The following CHRNA4 variants were observed in gnomAD, a reference collection of about 807,000 sequenced individuals.
CHRNA4 encodes the protein neuronal acetylcholine receptor subunit alpha-4.
CHRNA4 carries 28 observed loss-of-function variants against 48.9 expected under a neutral mutation model. The ratio of observed to expected loss-of-function variants is 0.57; its 90% confidence interval spans 0.42 to 0.79. The LOEUF is 0.79. Ranked by LOEUF, CHRNA4 falls within the 30% of genes least tolerant of loss-of-function variation. CHRNA4 has a pLI of 0.00. For synonymous variants in CHRNA4, 425 were observed against 402.3 expected (o/e 1.06, Z -0.68); for missense variants, 859 against 898.4 (o/e 0.96, Z 0.56).
chr20:63,355,604 G>A (rs2068704593), intron 4 of CHRNA4: 1 of 1,311,488 alleles, frequency 7.6e-7, no homozygotes, highest in South Asian at 1.2e-5. Flanking sequence ...AGCTGTCAAG[G>A]GTGGGGGCAA....
intron 4 of CHRNA4, among the ~76,000 whole-genome samples, chr20:63,353,349 A>C (rs1477413938): frequency 2.6e-5 from 4 of 151,964 alleles, no homozygotes; most frequent in African/African-American, 9.7e-5. Flanking sequence ...CCCAAAGAGA[A>C]AACTGGGGTC....
intron 3 of CHRNA4, 70 bp from the exon 4 acceptor site, chr20:63,356,154 C>T (rs1352677662): frequency 4.1e-6 from 2 of 488,952 alleles, no homozygotes; most frequent in Admixed American, 4.4e-5. Context: ...GGGACAGGGC[C>T]AGGGTGGGGC....
intron 5 of CHRNA4, among the ~76,000 whole-genome samples, chr20:63,347,821 C>T (rs2068520360): frequency 6.6e-6 from 1 of 152,194 alleles, no homozygotes; most frequent in Non-Finnish European, 1.5e-5. Context: ...GGGGCCTGGG[C>T]ACACTGTGGG....
intron 5 of CHRNA4, among the ~76,000 whole-genome samples, chr20:63,347,380 T>C (rs2068513013): frequency 1.3e-5 from 2 of 152,176 alleles, no homozygotes; most frequent in Admixed American, 6.5e-5. Context: ...ATCTGCAGTC[T>C]CTCACTCGAG....
In CHRNA4 at chr20:63,343,404, C is replaced by T. The variant is rs199628802; in HGVS notation, c.*3334G>A. 2 of 454,106 alleles carry T rather than the reference C, an allele frequency of 4.4e-6. No individual in the cohort carries two copies. Among genetic ancestry groups the T allele is most frequent in the African/African-American group, 2.0e-5 (1 of 50,110 alleles). The allele number at this position is 454,106 out of a possible 1,614,324, so 28.1% of individuals were successfully genotyped here. On this transcript the variant is annotated 3_prime_UTR_variant, in exon 6 of 6. Transcript: ENST00000370263. ...ATCCCCAGGTGCTGTGTGTGCTGCG[C>T]CTGATCCAGCATTTCTGGTGCAAGG...
At position 63,350,080 on chromosome 20, in the gene CHRNA4, G is replaced by T; in HGVS notation, c.1331C>A (p.Pro444His). 6.6e-7 allele frequency: 1 copy of T among 1,523,154 alleles called. No homozygotes were observed. Among genetic ancestry groups the T allele is most frequent in the Non-Finnish European group, 8.8e-7 (1 of 1,133,436 alleles). The allele number at this position is 1,523,154 out of a possible 1,614,324, so 94.4% of individuals were successfully genotyped here. Residue 444 changes from proline to histidine, a missense_variant, in exon 5 of 6, where the codon CCC (proline) becomes CAC (histidine). Coordinates refer to ENST00000370263, the MANE Select transcript of CHRNA4 (RefSeq NM_000744.7). ...PLEAEKASPHPSPGPCRPPHG... is the reference protein window; with the variant it reads ...PLEAEKASPHHSPGPCRPPHG... ...GGGCGGGCGGCAGGGTCCAGGCGAG[G>T]GGTGGGGGCTGGCTTTCTCAGCTTC...
At position 63,360,596 on chromosome 20, in the gene CHRNA4, G is replaced by C. The variant is rs543112605; in HGVS notation, c.76+494C>G. 4.6e-5 allele frequency among the ~76,000 whole-genome samples: 7 copies of C among 152,194 alleles called. No homozygotes were observed. In the South Asian group the frequency reaches 1.5e-3, roughly 32 times the overall value. ...AGGACTCGGGGAGGGGGAGGGGTCA[G>C]TTCTACACCCCTGGGAGCCTTGACT... On this transcript the variant is annotated intron_variant, in intron 1 of 5. Coordinates refer to ENST00000370263, the MANE Select transcript of CHRNA4 (RefSeq NM_000744.7).
At chr20:63,358,545 CAG>C (rs1452711668) in intron 2 of CHRNA4, among the ~76,000 whole-genome samples, 1 of 152,234 alleles carries the variant, frequency 6.6e-6, no homozygotes, top group Non-Finnish European at 1.5e-5. Flanking sequence ...CTCCCTGGAC[CAG>C]CGAGCTGGGA....
chr20:63,347,068 C>A (rs1476834675), intron 5 of CHRNA4: 17 of 702,514 alleles, frequency 2.4e-5, no homozygotes, highest in Non-Finnish European at 2.7e-5. Flanking sequence ...CGGGGGGCAT[C>A]ATCACCATGG....
intron 2 of CHRNA4, among the ~76,000 whole-genome samples, chr20:63,359,151 G>A (rs1015189385): frequency 7.9e-5 from 12 of 152,346 alleles, no homozygotes; most frequent in Middle Eastern, 3.4e-3. Context: ...GGGTGCTGCC[G>A]GGACACCACA....
chr20:63,359,256 G>T, intron 2 of CHRNA4: 1 of 465,146 alleles, frequency 2.1e-6, no homozygotes. Flanking sequence ...GGCCTTTGCT[G>T]TTCTTTGCTT....
At position 63,350,260 on chromosome 20, in the gene CHRNA4, A is replaced by C; in HGVS notation, c.1151T>G (p.Phe384Cys). 6.2e-7 allele frequency: 1 copy of C among 1,611,092 alleles called. No homozygotes were observed. Among genetic ancestry groups the C allele is most frequent in the Non-Finnish European group, 8.5e-7 (1 of 1,179,308 alleles). Residue 384 changes from phenylalanine to cysteine, a missense_variant, in exon 5 of 6, where the codon TTC (phenylalanine) becomes TGC (cysteine). Transcript: ENST00000370263. ...GGGCTCCCCTTCTGGCTCGGGCCAG[A>C]AGCGCGGGGCACTGGCCATCTTATG... The part of the protein sequence containing the change: ...SMHKMASAPR[F>C]WPEPEGEPPA...
rs549782758 is a variant in CHRNA4 at position 63,344,566 on chromosome 20, AG to A, written c.*2171del. The A allele has an allele frequency of 9.0e-4, 406 of 452,824 alleles. 1 individual carries two copies. The highest frequency in any genetic ancestry group is 7.5e-3 in the African/African-American group (374 of 49,750). The allele number at this position is 452,824 out of a possible 1,614,324, so 28.1% of individuals were successfully genotyped here. A position where few individuals can be genotyped will look rare whatever the true frequency, so the allele number is the denominator to read the frequency against. ...ACCCCCGGCAGGAGGGTCCCCCGGC[AG>A]GAGCGTCCCAGCCACTCCGCAGTCA... On this transcript the variant is annotated 3_prime_UTR_variant, in exon 6 of 6. Transcript: ENST00000370263. This position sits in a 1 kb window ranked among gnomAD's most constrained non-coding sequence, Gnocchi z 4.5.
At chr20:63,360,115 A>G in intron 1 of CHRNA4, 1 of 251,228 alleles carries the variant, frequency 4.0e-6, no homozygotes, top group South Asian at 4.8e-5. Flanking sequence ...TGTCACACTG[A>G]CTTCCAGGGA....
At chr20:63,353,091 C>T (rs979548118) in intron 4 of CHRNA4, among the ~76,000 whole-genome samples, 1 of 152,232 alleles carries the variant, frequency 6.6e-6, no homozygotes, top group Non-Finnish European at 1.5e-5. Context: ...CTGTCCCCTC[C>T]ACCCCGACCC....
intron 4 of CHRNA4, 123 bp from the exon 5 acceptor site, chr20:63,351,150 T>TCCACGCCCATATCCACGTC: frequency 1.3e-6 from 1 of 776,048 alleles, no homozygotes; most frequent in Admixed American, 2.9e-5. Context: ...CACATCCACG[T>TCCACGCCCATATCCACGTC]CCACGCCCAC....
intron 1 of CHRNA4, 26 bp from the exon 2 acceptor site, chr20:63,359,725 T>G (rs1353115052): frequency 6.2e-7 from 1 of 1,608,460 alleles, no homozygotes; most frequent in East Asian, 2.2e-5. Flanking sequence ...GGCCAGTGGC[T>G]CAGGTGCAGG....
In CHRNA4 at chr20:63,356,035, A is replaced by G; in HGVS notation, c.323T>C (p.Val108Ala). ...CTCGGAGGGGATGCGGATGGAGGTG[A>G]CATTCTCATAGTCAGCTGGGTCCCA... ...LRWDPADYEN[V>A]TSIRIPSELI... is the part of the protein sequence containing the mutation. Residue 108 changes from valine (V) to alanine (A), a missense_variant, in exon 4 of 6, where the codon GTC (valine) becomes GCC (alanine). Transcript: ENST00000370263. 11 of 1,607,192 alleles carry G rather than the reference A, an allele frequency of 6.8e-6. No homozygotes were observed. The highest frequency in any genetic ancestry group is 9.3e-6 in the Non-Finnish European group (11 of 1,178,494).
In CHRNA4 at chr20:63,346,898, C is replaced by A. The variant is rs200965304; in HGVS notation, c.1759-35G>T. Reference sequence around the variant, plus strand: ...CAGACGCCGTCACTCCAGCACGGCCCGGCCGCCGCCAGCGGGGACAGCCCT... The same window carrying A: ...CAGACGCCGTCACTCCAGCACGGCCAGGCCGCCGCCAGCGGGGACAGCCCT... On this transcript the variant is annotated intron_variant, in intron 5 of 5. Transcript: ENST00000370263. The A allele has an allele frequency of 2.1e-4, 332 of 1,611,010 alleles. 3 individuals are homozygous for A. Among genetic ancestry groups the A allele is most frequent in the East Asian group, 6.7e-4 (30 of 44,868 alleles).
Sources: allele counts gnomAD v4.1 joint callset (sites outside exome capture counted in the v4.1 genomes callset), GRCh38; gene constraint gnomAD v4.1.1; non-coding constraint Gnocchi (gnomAD v3.1); transcripts MANE v1.5; gene names NCBI Gene and HGNC (gene_info 2026-07-23, HGNC 2026-07-21).